The following MIR2052HG variants were observed in gnomAD, a reference collection of about 807,000 sequenced individuals.
The protein encoded by MIR2052HG is MIR2052 host gene.
intron 2 of MIR2052HG, among the ~76,000 whole-genome samples, chr8:74,625,736 T>G (rs1434271308): frequency 6.6e-6 from 1 of 152,226 alleles, no homozygotes; most frequent in Non-Finnish European, 1.5e-5. Flanking sequence ...AAATTATATT[T>G]TGTATTTTGT....
At chr8:74,731,933 C>G (rs1264109858) in intron 4 of MIR2052HG, among the ~76,000 whole-genome samples, 1 of 152,100 alleles carries the variant, frequency 6.6e-6, no homozygotes, top group Non-Finnish European at 1.5e-5. Context: ...TTTGCAAACA[C>G]TCATATTACT....
chr8:74,681,292 A>C (rs1204750834), intron 2 of MIR2052HG, among the ~76,000 whole-genome samples: 1 of 152,254 alleles, frequency 6.6e-6, no homozygotes, highest in East Asian at 1.9e-4. Flanking sequence ...CAATTCCAGC[A>C]AAAAATTAAG....
chr8:74,652,071 C>G (rs528853524), intron 2 of MIR2052HG, among the ~76,000 whole-genome samples: 179 of 152,236 alleles, frequency 1.2e-3, no homozygotes, highest in African/African-American at 4.2e-3. Flanking sequence ...TTACTGGAAC[C>G]CCTGAAAGGC....
intron 4 of MIR2052HG, among the ~76,000 whole-genome samples, chr8:74,721,503 G>A (rs1026108714): frequency 1.2e-4 from 19 of 152,196 alleles, no homozygotes; most frequent in Non-Finnish European, 4.4e-5. Flanking sequence ...GGGACAAAAG[G>A]CCTCTTATCT....
intron 2 of MIR2052HG, among the ~76,000 whole-genome samples, chr8:74,661,332 AGCTGGGATTAGAGGCACAT>A (rs761726522): frequency 3.3e-5 from 5 of 151,708 alleles, no homozygotes; most frequent in Non-Finnish European, 5.9e-5. Context: ...CCTCCCGAGT[AGCTGGGATTAGAGGCACAT>A]GCTACCAGAC....
chr8:74,733,049 C>CATACATTT (rs1809709632), intron 4 of MIR2052HG, among the ~76,000 whole-genome samples: 1 of 148,862 alleles, frequency 6.7e-6, no homozygotes, highest in African/African-American at 2.5e-5. Flanking sequence ...AATTAGGAGA[C>CATACATTT]ATTTATTTAT....
chr8:74,638,085 A>G (rs1396824073), intron 2 of MIR2052HG, among the ~76,000 whole-genome samples: 1 of 152,156 alleles, frequency 6.6e-6, no homozygotes, highest in African/African-American at 2.4e-5. Context: ...AATGGGAATC[A>G]GTGTACACAT....
At chr8:74,647,307 A>G (rs1378313783) in intron 2 of MIR2052HG, among the ~76,000 whole-genome samples, 1 of 152,078 alleles carries the variant, frequency 6.6e-6, no homozygotes, top group Non-Finnish European at 1.5e-5. Context: ...CCAATATTTG[A>G]CTCTGGTTCA....
At chr8:74,606,829 A>T (rs1042859257) in intron 1 of MIR2052HG, among the ~76,000 whole-genome samples, 1 of 152,202 alleles carries the variant, frequency 6.6e-6, no homozygotes, top group Non-Finnish European at 1.5e-5. Context: ...TAAAAGTTTT[A>T]AAAAATTGTA....
intron 2 of MIR2052HG, among the ~76,000 whole-genome samples, chr8:74,624,926 A>T (rs1808414160): frequency 6.6e-6 from 1 of 152,230 alleles, no homozygotes; most frequent in Admixed American, 6.5e-5. Context: ...GAAGAAGATC[A>T]TGGAAAGTTG....
chr8:74,750,966 C>T (rs1809938012), intron 4 of MIR2052HG, among the ~76,000 whole-genome samples: 2 of 152,148 alleles, frequency 1.3e-5, no homozygotes, highest in South Asian at 4.1e-4. Flanking sequence ...CTGTTCACAA[C>T]GTTATTAAAT....
intron 2 of MIR2052HG, among the ~76,000 whole-genome samples, chr8:74,677,416 T>G (rs1476550603): frequency 6.6e-6 from 1 of 152,074 alleles, no homozygotes; most frequent in East Asian, 1.9e-4. Flanking sequence ...AAAAATTAAT[T>G]ATGTATGTAT....
At chr8:74,649,495 G>A (rs1290994923) in intron 2 of MIR2052HG, among the ~76,000 whole-genome samples, 1 of 152,000 alleles carries the variant, frequency 6.6e-6, no homozygotes, top group Non-Finnish European at 1.5e-5. Flanking sequence ...TTTCAAACAT[G>A]AATGTGAATA....
intron 1 of MIR2052HG, chr8:74,604,375 G>A (rs1339292964): frequency 4.2e-6 from 2 of 472,022 alleles, no homozygotes; most frequent in Non-Finnish European, 3.9e-6. Context: ...GGGGAAGGGC[G>A]GGAGGCCGGG....
At chr8:74,622,653 A>G (rs918690406) in intron 2 of MIR2052HG, among the ~76,000 whole-genome samples, 2 of 152,146 alleles carry the variant, frequency 1.3e-5, no homozygotes, top group African/African-American at 4.8e-5. Context: ...AAAGAAAAAA[A>G]TGCTCAACAT....
intron 4 of MIR2052HG, among the ~76,000 whole-genome samples, chr8:74,729,911 C>T (rs992160685): frequency 2.0e-5 from 3 of 152,068 alleles, no homozygotes; most frequent in South Asian, 4.1e-4. Context: ...ACACATAAAA[C>T]TAATAGTTAT....
chr8:74,697,352 C>A (rs1214573809), intron 2 of MIR2052HG, among the ~76,000 whole-genome samples: 3 of 152,140 alleles, frequency 2.0e-5, no homozygotes, highest in Non-Finnish European at 4.4e-5. Flanking sequence ...CCATCTATGA[C>A]AAATCCACCG....
chr8:74,718,599 C>T (rs959137979), intron 4 of MIR2052HG, among the ~76,000 whole-genome samples: 1 of 152,128 alleles, frequency 6.6e-6, no homozygotes, highest in Admixed American at 6.5e-5. Flanking sequence ...TGAGGTCACA[C>T]CTAGGAACAA....
At chr8:74,670,936 T>C (rs1232953298) in intron 2 of MIR2052HG, among the ~76,000 whole-genome samples, 1 of 152,110 alleles carries the variant, frequency 6.6e-6, no homozygotes, top group Non-Finnish European at 1.5e-5. Context: ...CTCTCATTTT[T>C]TTCTCTCATT....
Sources: allele counts gnomAD v4.1 joint callset (sites outside exome capture counted in the v4.1 genomes callset), GRCh38; gene constraint gnomAD v4.1.1; transcripts MANE v1.5; gene names NCBI Gene and HGNC (gene_info 2026-07-23, HGNC 2026-07-21).